STPG2: variants seen among roughly 807,000 people sequenced by gnomAD.
The protein encoded by STPG2 is sperm tail PG-rich repeat containing 2.
A neutral mutation model predicts 54.2 loss-of-function variants in STPG2; 56 were observed. That is an observed-to-expected ratio of 1.03 (90% confidence interval 0.83 to 1.29). The LOEUF is 1.29. Among genes scored for constraint, STPG2 ranks in the 50% most tolerant of loss-of-function variants. The pLI is 0.00. For synonymous variants in STPG2, 200 were observed against 181.8 expected (o/e 1.10, Z -0.81); for missense variants, 596 against 544.9 (o/e 1.09, Z -0.93).
chr4:97,502,591 T>C (rs1357720275), intron 4 of STPG2, among the ~76,000 whole-genome samples: 1 of 151,440 alleles, frequency 6.6e-6, no homozygotes, highest in African/African-American at 2.4e-5. Flanking sequence ...GATTCAAATA[T>C]CAAGAATTCA....
chr4:97,840,682 T>C, intron 9 of STPG2, 91 bp downstream of exon 9: 1 of 1,410,036 alleles, frequency 7.1e-7, no homozygotes, highest in Non-Finnish European at 9.6e-7. Context: ...AACTTTTCAG[T>C]CTCCAAGAAC....
intron 3 of STPG2, among the ~76,000 whole-genome samples, chr4:98,113,835 A>G (rs941960311): frequency 6.6e-6 from 1 of 152,170 alleles, no homozygotes; most frequent in South Asian, 2.1e-4. Context: ...TATATACACT[A>G]CTTTGGAATT....
chr4:97,795,960 G>A (rs1482161203), intron 9 of STPG2, among the ~76,000 whole-genome samples: 2 of 152,090 alleles, frequency 1.3e-5, no homozygotes, highest in Non-Finnish European at 2.9e-5. Flanking sequence ...GTGATGATGA[G>A]CATTTTTTCA....
intron 9 of STPG2, among the ~76,000 whole-genome samples, chr4:97,747,736 C>A (rs1373266886): frequency 6.6e-6 from 1 of 151,332 alleles, no homozygotes; most frequent in Non-Finnish European, 1.5e-5. Flanking sequence ...TGCATTTTTA[C>A]ATGGAAATTT....
At chr4:97,919,496 C>T (rs1732014883) in intron 8 of STPG2, among the ~76,000 whole-genome samples, 1 of 150,994 alleles carries the variant, frequency 6.6e-6, no homozygotes, top group Non-Finnish European at 1.5e-5. Context: ...AAAGAGGGAA[C>T]TTAACTATAG....
At chr4:97,834,562 A>C (rs1057509112) in intron 9 of STPG2, among the ~76,000 whole-genome samples, 4 of 152,148 alleles carry the variant, frequency 2.6e-5, no homozygotes, top group Non-Finnish European at 5.9e-5. Context: ...GCCAAATATA[A>C]TAAAGCAAAT....
chr4:98,050,449 T>TA (rs59575389), intron 5 of STPG2, among the ~76,000 whole-genome samples: 47,592 of 151,676 alleles, frequency 0.31, 7,465 homozygotes, highest in South Asian at 0.33. Context: ...TTTTATTTTT[T>TA]AAAAAAAAGG....
chr4:97,941,389 T>C (rs377017089), intron 8 of STPG2, among the ~76,000 whole-genome samples: 1 of 152,164 alleles, frequency 6.6e-6, no homozygotes, highest in Non-Finnish European at 1.5e-5. Context: ...TTCTGTTTTC[T>C]ATATCAAATA....
chr4:97,980,862 ATATAT>A (rs1167701867), intron 6 of STPG2, among the ~76,000 whole-genome samples: 2 of 152,210 alleles, frequency 1.3e-5, no homozygotes, highest in Non-Finnish European at 2.9e-5. Context: ...CACATAGTTG[ATATAT>A]TATGTTGTTC....
chr4:97,480,718 A>G (rs1433510455), intron 4 of STPG2, among the ~76,000 whole-genome samples: 3 of 151,532 alleles, frequency 2.0e-5, no homozygotes, highest in Admixed American at 2.0e-4. Context: ...TTTGTTGCTT[A>G]TAGCCTTCTG....
chr4:97,760,245 G>A (rs187231633), intron 9 of STPG2, among the ~76,000 whole-genome samples: 32 of 152,250 alleles, frequency 2.1e-4, no homozygotes, highest in African/African-American at 7.5e-4. Context: ...AAAGATCAAG[G>A]ACAAGAACTG....
At chr4:98,070,614 C>T (rs1224502701) in intron 5 of STPG2, among the ~76,000 whole-genome samples, 1 of 151,898 alleles carries the variant, frequency 6.6e-6, no homozygotes, top group Admixed American at 6.6e-5. Context: ...CTAGAAAAAC[C>T]CATCATCTCA....
rs185667132 is a variant in STPG2 at position 97,817,618 on chromosome 4, C to G, written c.1204+23155G>C. Among the ~76,000 whole-genome samples the G allele has an allele frequency of 4.2e-3, 641 of 151,980 alleles. 3 individuals carry two copies. Among genetic ancestry groups the G allele is most frequent in the South Asian group, 0.024 (116 of 4,828 alleles). ...TAGAGGATTATTAGACTTTAGACAT[C>G]GTGAAATGTGCTTAAAGTTTCTGAA... On this transcript the variant is annotated intron_variant, in intron 9 of 10. Coordinates refer to ENST00000295268, the MANE Select transcript of STPG2 (RefSeq NM_174952.3).
intron 8 of STPG2, among the ~76,000 whole-genome samples, chr4:97,937,067 G>A (rs1267036340): frequency 6.6e-6 from 1 of 151,920 alleles, no homozygotes; most frequent in Non-Finnish European, 1.5e-5. Context: ...TGGGGGTTTT[G>A]TTTGTTCCTT....
chr4:97,924,237 C>T (rs1240022985), intron 8 of STPG2, among the ~76,000 whole-genome samples: 1 of 152,214 alleles, frequency 6.6e-6, no homozygotes, highest in African/African-American at 2.4e-5. Context: ...GTAACACTCA[C>T]CGCGAGGGTC....
intron 1 of STPG2, among the ~76,000 whole-genome samples, chr4:98,136,705 G>A (rs1740145038): frequency 6.6e-6 from 1 of 151,686 alleles, no homozygotes; most frequent in Non-Finnish European, 1.5e-5. Context: ...AACCACAATA[G>A]GACAAAGGGT....
At chr4:97,835,463 T>G (rs1446332251) in intron 9 of STPG2, among the ~76,000 whole-genome samples, 1 of 152,134 alleles carries the variant, frequency 6.6e-6, no homozygotes, top group Non-Finnish European at 1.5e-5. Flanking sequence ...TTTATTTTCT[T>G]AATAAACTTG....
chr4:97,938,270 T>C (rs550375748), intron 8 of STPG2, among the ~76,000 whole-genome samples: 80 of 152,336 alleles, frequency 5.3e-4, no homozygotes, highest in African/African-American at 1.8e-3. Context: ...CCTGGAGCTA[T>C]AGCGATGGCT....
chr4:97,481,236 C>T (rs1410290391), intron 4 of STPG2, among the ~76,000 whole-genome samples: 1 of 151,512 alleles, frequency 6.6e-6, no homozygotes, highest in African/African-American at 2.4e-5. Flanking sequence ...ACCCTGAATT[C>T]TGCTTCCCTT....
Sources: gnomAD v4.1 joint callset for allele counts (sites outside exome capture counted in the v4.1 genomes callset) on GRCh38, gnomAD v4.1.1 for gene constraint, MANE v1.5 for transcripts, NCBI Gene and HGNC (gene_info 2026-07-23, HGNC 2026-07-21) for gene names.